NELL1: variants seen among roughly 807,000 people sequenced by gnomAD.
NELL1 encodes the protein neural EGFL like 1.
In NELL1, 76 loss-of-function variants were observed where a neutral mutation model predicts 107.4. That is an observed-to-expected ratio of 0.71 (90% CI 0.59 to 0.86). NELL1 has a LOEUF of 0.86. NELL1 is among the 40% of genes least tolerant of loss of function. The pLI, the probability that NELL1 is intolerant of heterozygous loss-of-function variation, is 0.00. For missense variants in NELL1, 1,024 were observed against 1,005.5 expected (o/e 1.02, Z -0.25); for synonymous variants, 353 against 341.2 (o/e 1.03, Z -0.38).
intron 15 of NELL1, among the ~76,000 whole-genome samples, chr11:21,492,732 C>G (rs1325352235): frequency 8.8e-6 from 1 of 113,180 alleles, no homozygotes; most frequent in Admixed American, 1.3e-4. Context: ...ACATCACACT[C>G]TGGGGACTGT....
intron 15 of NELL1, among the ~76,000 whole-genome samples, chr11:21,522,317 C>T (rs1353541096): frequency 6.6e-6 from 1 of 151,512 alleles, no homozygotes; most frequent in African/African-American, 2.4e-5. Flanking sequence ...ATCAACCTAA[C>T]TGTGCATCAA....
rs1564980818 is a variant in NELL1, at chr11:20,947,446, T to G, written c.1171+11T>G. The stretch of plus-strand genomic sequence containing the variant: ...GCCGTGTCTGTAGAGGTAAGTGGGC[T>G]TGGTGGTGGGCCATGCGTGGGGTGA... On this transcript the variant is annotated intron_variant, in intron 11 of 19. Transcript: ENST00000357134. 2 of 1,608,148 alleles carry G rather than the reference T, an allele frequency of 1.2e-6. No homozygotes were observed. The highest frequency in any genetic ancestry group is 8.5e-7 in the Non-Finnish European group (1 of 1,174,672).
intron 13 of NELL1, among the ~76,000 whole-genome samples, chr11:21,222,383 A>C (rs1302567616): frequency 2.7e-5 from 4 of 148,938 alleles, no homozygotes; most frequent in African/African-American, 1.0e-4. Context: ...TTTTTAGTAG[A>C]GACGGGGTTT....
intron 5 of NELL1, among the ~76,000 whole-genome samples, chr11:20,893,003 G>A (rs919934849): frequency 1.3e-5 from 2 of 151,294 alleles, no homozygotes; most frequent in Admixed American, 1.3e-4. Flanking sequence ...CAAAGACGTG[G>A]AACTAACCCA....
intron 14 of NELL1, among the ~76,000 whole-genome samples, chr11:21,281,828 G>A (rs993893737): frequency 2.2e-4 from 34 of 152,152 alleles, no homozygotes; most frequent in African/African-American, 6.3e-4. Flanking sequence ...CCTATCTCTC[G>A]TCATATACAA....
chr11:21,276,776 T>C (rs188832064), intron 14 of NELL1, among the ~76,000 whole-genome samples: 4 of 152,248 alleles, frequency 2.6e-5, no homozygotes, highest in Admixed American at 2.6e-4. Flanking sequence ...TTGACAAACC[T>C]GACAAAAACA....
chr11:21,192,091 T>A (rs771741048), intron 13 of NELL1, among the ~76,000 whole-genome samples: 2 of 151,918 alleles, frequency 1.3e-5, no homozygotes, highest in Non-Finnish European at 2.9e-5. Context: ...ATAGCACTTA[T>A]ATTTCCTACT....
intron 2 of NELL1, among the ~76,000 whole-genome samples, chr11:20,693,035 A>G (rs1302871860): frequency 3.3e-5 from 5 of 152,014 alleles, no homozygotes; most frequent in African/African-American, 7.2e-5. Flanking sequence ...CTTTACCATT[A>G]TATAATGGCC....
intron 12 of NELL1, among the ~76,000 whole-genome samples, chr11:20,982,607 C>A (rs543863429): frequency 1.3e-5 from 2 of 152,312 alleles, no homozygotes; most frequent in African/African-American, 4.8e-5. Context: ...CATATGATGT[C>A]TTCAGTATTA....
At chr11:21,540,004 G>C (rs1211536847) in intron 16 of NELL1, among the ~76,000 whole-genome samples, 1 of 151,798 alleles carries the variant, frequency 6.6e-6, no homozygotes, top group Non-Finnish European at 1.5e-5. Flanking sequence ...TCTGGTGTGG[G>C]ACCTAGATTG....
intron 10 of NELL1, among the ~76,000 whole-genome samples, chr11:20,938,654 G>A (rs1379942497): frequency 6.6e-6 from 1 of 152,172 alleles, no homozygotes; most frequent in Admixed American, 6.5e-5. Context: ...ACCAATAATT[G>A]CTTCCTAGGT....
intron 7 of NELL1, among the ~76,000 whole-genome samples, chr11:20,925,356 C>T (rs1850470945): frequency 6.6e-6 from 1 of 151,832 alleles, no homozygotes; most frequent in African/African-American, 2.4e-5. Context: ...TCTTGGCCTG[C>T]TGCAACCTCT....
intron 6 of NELL1, among the ~76,000 whole-genome samples, chr11:20,918,703 C>T (rs936596874): frequency 6.6e-6 from 1 of 151,900 alleles, no homozygotes; most frequent in Admixed American, 6.6e-5. Context: ...GAGTAACTGC[C>T]TTCATGATTC....
intron 2 of NELL1, among the ~76,000 whole-genome samples, chr11:20,775,287 G>A (rs1856728189): frequency 6.6e-6 from 1 of 152,124 alleles, no homozygotes; most frequent in African/African-American, 2.4e-5. Flanking sequence ...GATGCTGTAT[G>A]TACTATTGTA....
intron 3 of NELL1, among the ~76,000 whole-genome samples, chr11:20,786,512 A>C (rs1189020842): frequency 1.1e-4 from 16 of 152,056 alleles, no homozygotes; most frequent in Admixed American, 9.8e-4. Flanking sequence ...TATCTGAGTC[A>C]CAAGACACCA....
intron 4 of NELL1, among the ~76,000 whole-genome samples, chr11:20,884,106 A>C (rs1849460080): frequency 6.6e-6 from 1 of 152,202 alleles, no homozygotes; most frequent in African/African-American, 2.4e-5. Flanking sequence ...GCCAGCTGAA[A>C]ACCTTGCATG....
intron 16 of NELL1, among the ~76,000 whole-genome samples, chr11:21,551,729 T>C (rs9804575): frequency 0.5 from 74,934 of 149,492 alleles, 19,736 homozygotes; most frequent in Non-Finnish European, 0.59. Context: ...GTCAGTGTGG[T>C]GATTCCTCAG....
rs201562597 is a variant in NELL1, at chr11:20,947,406, C to T, written c.1142C>T (p.Pro381Leu). 6.2e-7 allele frequency: 1 copy of T among 1,614,008 alleles called. No individual in the cohort carries two copies. The highest frequency in any genetic ancestry group is 1.1e-5 in the South Asian group (1 of 91,070). ...LNCSEKDHIL[P>L]ENQCCRVCRG... ...TGCTCAGAAAAGGATCACATTCTTC[C>T]TGAGAATCAGTGCTGCCGTGTCTGT... The change falls in exon 11 of 20, where the codon CCT becomes CTT. Residue 381 changes from proline (P) to leucine (L), a missense_variant. Physicochemically the swap from Pro to Leu is moderately conservative, Grantham distance 98 (BLOSUM62 -3). Coordinates refer to ENST00000357134, the MANE Select transcript of NELL1 (RefSeq NM_006157.5).
At chr11:21,304,237 G>A (rs185652101) in intron 14 of NELL1, among the ~76,000 whole-genome samples, 58 of 152,084 alleles carry the variant, frequency 3.8e-4, no homozygotes, top group African/African-American at 1.3e-3. Flanking sequence ...CATGTACTTA[G>A]ACTATTCCAC....
Sources: allele counts gnomAD v4.1 joint callset (sites outside exome capture counted in the v4.1 genomes callset), GRCh38; gene constraint gnomAD v4.1.1; transcripts MANE v1.5; gene names NCBI Gene and HGNC (gene_info 2026-07-23, HGNC 2026-07-21).